Variants in GABRB1 observed in about 807,000 individuals in gnomAD.
The protein encoded by GABRB1 is gamma-aminobutyric acid type A receptor subunit beta1, also known as gamma-aminobutyric acid receptor subunit beta-1.
GABRB1 carries 17 observed loss-of-function variants against 51.6 expected under a neutral mutation model. That is an observed-to-expected ratio of 0.33 (90% CI 0.23 to 0.49). The LOEUF (loss-of-function observed/expected upper bound fraction) is 0.49. Ranked by LOEUF, GABRB1 falls within the 20% of genes least tolerant of loss-of-function variation. GABRB1 has a pLI of 0.99. For synonymous variants in GABRB1, 247 were observed against 218.9 expected, an observed-to-expected ratio of 1.13 and a Z score of -1.14; for missense variants, 410 against 600.6, an observed-to-expected ratio of 0.68 and a Z score of 3.32.
At chr4:47,180,210 C>T (rs1419965758) in intron 4 of GABRB1, among the ~76,000 whole-genome samples, 1 of 151,892 alleles carries the variant, frequency 6.6e-6, no homozygotes, top group African/African-American at 2.4e-5. Context: ...ATCACAGATC[C>T]CATTCACATA....
At chr4:47,229,501 C>T (rs188208681) in intron 4 of GABRB1, among the ~76,000 whole-genome samples, 271 of 152,064 alleles carry the variant, frequency 1.8e-3, no homozygotes, top group South Asian at 0.013. Flanking sequence ...GTAACCATGG[C>T]GTCTATGGTC....
intron 4 of GABRB1, among the ~76,000 whole-genome samples, chr4:47,209,538 A>G (rs1720267658): frequency 1.3e-5 from 2 of 152,154 alleles, no homozygotes; most frequent in Non-Finnish European, 2.9e-5. Flanking sequence ...TAACTACAAT[A>G]ACACTCTCTT....
At chr4:47,029,434 GT>G (rs926157664), upstream of GABRB1, among the ~76,000 whole-genome samples, 40 of 150,822 alleles carry the variant, frequency 2.7e-4, no homozygotes, top group East Asian at 9.7e-4. Flanking sequence ...ACTTCTGGAA[GT>G]TTTTTTTTCT....
chr4:47,002,162 T>C (rs1724251845), intron 1 of GABRB1, among the ~76,000 whole-genome samples: 2 of 152,200 alleles, frequency 1.3e-5, no homozygotes, highest in Admixed American at 1.3e-4. Context: ...AACAAAATAC[T>C]AGAAAGAAAA....
chr4:47,316,316 G>A (rs535815794), intron 4 of GABRB1, among the ~76,000 whole-genome samples: 11 of 151,702 alleles, frequency 7.3e-5, no homozygotes, highest in Non-Finnish European at 1.6e-4. Context: ...TCTCACATGT[G>A]CATTAGAACA....
intron 5 of GABRB1, among the ~76,000 whole-genome samples, chr4:47,377,143 G>GT (rs548046270): frequency 7.0e-4 from 107 of 152,114 alleles, no homozygotes; most frequent in Non-Finnish European, 1.0e-3. Context: ...GGAGTTGTGC[G>GT]TTTTTTTGTT....
chr4:47,420,943 A>AAC (rs71654875), intron 8 of GABRB1, among the ~76,000 whole-genome samples: 62,734 of 140,762 alleles, frequency 0.45, 13,562 homozygotes, highest in East Asian at 0.67. Flanking sequence ...TACACACACA[A>AAC]ACACACACAC....
intron 4 of GABRB1, among the ~76,000 whole-genome samples, chr4:47,274,239 G>A (rs1722987343): frequency 2.0e-5 from 3 of 151,884 alleles, no homozygotes. Flanking sequence ...CATCTAATAG[G>A]GATTTTATGC....
At position 47,250,818 on chromosome 4, in the gene GABRB1, A is replaced by G. The variant is rs145590328; in HGVS notation, c.462-69309A>G. 2.4e-3 allele frequency among the ~76,000 whole-genome samples: 358 copies of G among 152,210 alleles called. 1 individual carries two copies. Among genetic ancestry groups the G allele is most frequent in the Admixed American group, 0.021 (321 of 15,294 alleles). ...TGAATTTTTGAATCTTTTTTAAGCT[A>G]TCTATTTCCTTGAATGGTTCTCCCT... is the stretch of plus-strand genomic sequence containing the variant. On this transcript the variant is annotated intron_variant, in intron 4 of 8. Transcript: ENST00000295454.
chr4:47,119,360 T>C (rs566620397), intron 3 of GABRB1, among the ~76,000 whole-genome samples: 1 of 152,200 alleles, frequency 6.6e-6, no homozygotes, highest in African/African-American at 2.4e-5. Flanking sequence ...TAGGAAACAG[T>C]GGAGTTTTTA....
chr4:47,363,743 T>C (rs976526657), intron 5 of GABRB1, among the ~76,000 whole-genome samples: 1 of 152,170 alleles, frequency 6.6e-6, no homozygotes, highest in African/African-American at 2.4e-5. Context: ...AAGGAAGGAA[T>C]CCTGCTCCTT....
At chr4:47,026,609 G>A (rs1725103767), upstream of GABRB1, among the ~76,000 whole-genome samples, 1 of 151,912 alleles carries the variant, frequency 6.6e-6, no homozygotes, top group South Asian at 2.1e-4. Context: ...CAGCATTACA[G>A]GGACCAACTA....
chr4:47,261,249 G>A (rs1722424879), intron 4 of GABRB1, among the ~76,000 whole-genome samples: 1 of 152,148 alleles, frequency 6.6e-6, no homozygotes, highest in East Asian at 1.9e-4. Context: ...AAAAGAGGAA[G>A]TCAAATTGTC....
chr4:47,004,398 A>T (rs1053297590), intron 1 of GABRB1, among the ~76,000 whole-genome samples: 1 of 152,242 alleles, frequency 6.6e-6, no homozygotes, highest in Non-Finnish European at 1.5e-5. Context: ...GATTATAGGC[A>T]TGATGAGCAA....
intron 3 of GABRB1, among the ~76,000 whole-genome samples, chr4:47,136,523 A>AT (rs200221693): frequency 2.5e-3 from 308 of 124,266 alleles, no homozygotes; most frequent in Middle Eastern, 7.9e-3. Context: ...AAATTAAAAA[A>AT]AAATATATAA....
At chr4:47,143,090 C>T (rs7680321) in intron 3 of GABRB1, among the ~76,000 whole-genome samples, 136,573 of 151,768 alleles carry the variant, frequency 0.9, 61,521 homozygotes, top group South Asian at 0.93. Flanking sequence ...GTGAACTACA[C>T]TCAGAAAGTT....
At chr4:47,228,888 C>T (rs556369596) in intron 4 of GABRB1, among the ~76,000 whole-genome samples, 1 of 152,098 alleles carries the variant, frequency 6.6e-6, no homozygotes, top group Admixed American at 6.6e-5. Context: ...GTATTTTGGT[C>T]CTAAAGGATG....
chr4:47,363,735 G>T (rs576941269), intron 5 of GABRB1, among the ~76,000 whole-genome samples: 1 of 152,116 alleles, frequency 6.6e-6, no homozygotes, highest in African/African-American at 2.4e-5. Context: ...GGGCTAATAA[G>T]GAAGGAATCC....
At chr4:47,116,829 T>C (rs969621048) in intron 3 of GABRB1, among the ~76,000 whole-genome samples, 2 of 152,082 alleles carry the variant, frequency 1.3e-5, no homozygotes, top group African/African-American at 4.8e-5. Context: ...GGAAGTATGA[T>C]TGGGGAGGCT....
Sources: gnomAD v4.1 joint callset for allele counts (sites outside exome capture counted in the v4.1 genomes callset) on GRCh38, gnomAD v4.1.1 for gene constraint, MANE v1.5 for transcripts, NCBI Gene and HGNC (gene_info 2026-07-23, HGNC 2026-07-21) for gene names.